The following DHRSX variants were observed in gnomAD, a reference collection of about 807,000 sequenced individuals.
DHRSX encodes the protein dehydrogenase/reductase X-linked.
In DHRSX, 31 loss-of-function variants were observed where a neutral mutation model predicts 34.0. The ratio of observed to expected loss-of-function variants is 0.91; its 90% confidence interval spans 0.69 to 1.23. The LOEUF is 1.23. Among genes scored for constraint, DHRSX ranks in the 50% most tolerant of loss-of-function variants. DHRSX has a pLI of 0.00. For synonymous variants in DHRSX, 201 were observed against 183.8 expected, an observed-to-expected ratio of 1.09 and a Z score of -0.76; for missense variants, 414 against 428.1, an observed-to-expected ratio of 0.97 and a Z score of 0.29.
chrX:2,345,881 A>G (rs1156789781), intron 3 of DHRSX, among the ~76,000 whole-genome samples: 3 of 152,068 alleles, frequency 2.0e-5, no homozygotes, highest in Non-Finnish European at 4.4e-5. Context: ...ACATCTTGAG[A>G]CTTGCCAGCC....
chrX:2,443,975 A>AGCCT (rs1289871384), intron 1 of DHRSX, among the ~76,000 whole-genome samples: 1 of 149,138 alleles, frequency 6.7e-6, no homozygotes, highest in Non-Finnish European at 1.5e-5. Flanking sequence ...CCTGCACTCC[A>AGCCT]GCCTGGGCGA....
In DHRSX at chrX:2,490,565, G is replaced by A. The variant is rs1218197196; in HGVS notation, c.109+10252C>T. ...GGTGTTTCCGGAGTAGGCGATCTGG[G>A]CCATGCAGATGCGGCAGTAGATTTT... On this transcript the variant is annotated intron_variant, in intron 1 of 6. Coordinates refer to ENST00000334651, the MANE Select transcript of DHRSX (RefSeq NM_145177.3). 7.4e-6 allele frequency: 12 copies of A among 1,613,864 alleles called. No individual in the cohort carries two copies. In the African/African-American group the frequency reaches 1.5e-4, roughly 20 times the overall value.
intron 3 of DHRSX, among the ~76,000 whole-genome samples, chrX:2,392,002 A>G (rs2043340801): frequency 6.6e-6 from 1 of 152,224 alleles, no homozygotes; most frequent in Non-Finnish European, 1.5e-5. Context: ...AAGGCGATCC[A>G]TGGGGATGAG....
rs754754031 is a variant in DHRSX, at chrX:2,243,239, C to T, written c.597-9G>A. The T allele has an allele frequency of 2.0e-5, 32 of 1,612,304 alleles. No homozygotes were observed. Among genetic ancestry groups the T allele is most frequent in the Admixed American group, 3.3e-5 (2 of 59,918 alleles). ...GGGGTGAGTAGCAGGCACTGTGGGG[C>T]AAGCAGGAGAAGGTGTAAGAGGCTG... is the stretch of plus-strand genomic sequence containing the variant. On this transcript the variant is annotated splice_polypyrimidine_tract_variant and intron_variant, in intron 5 of 6. Transcript: ENST00000334651.
At chrX:2,241,914 AAAAC>A (rs2016150162) in intron 6 of DHRSX, among the ~76,000 whole-genome samples, 1 of 152,154 alleles carries the variant, frequency 6.6e-6, no homozygotes, top group African/African-American at 2.4e-5. Context: ...CGTCTCAAAA[AAAAC>A]AAGCAAACAA....
At chrX:2,411,355 C>G (rs2043625535) in intron 2 of DHRSX, among the ~76,000 whole-genome samples, 2 of 151,860 alleles carry the variant, frequency 1.3e-5, no homozygotes, top group South Asian at 4.2e-4. Context: ...TCAAGACCAG[C>G]CTGGCCAACA....
Position 2,221,072 on chromosome X carries a change from T to C in DHRSX, c.962A>G (p.Glu321Gly). 1 of 1,613,950 alleles carries C rather than the reference T, an allele frequency of 6.2e-7. No homozygotes were observed. Residue 321 changes from glutamate to glycine, a missense_variant, in exon 7 of 7, where the codon GAG (glutamate) becomes GGG (glycine). Physicochemically the swap from Glu to Gly is moderately conservative, Grantham distance 98. Transcript: ENST00000334651. ...LQQQLWSKSCEMTGVLDVTL is the reference protein window; with the variant it reads ...LQQQLWSKSCGMTGVLDVTL ...GGTCACATCAAGGACCCCAGTCATCTCACAACTCTTAGACCACAGCTGCTG... is the reference window on the plus strand; with the variant it reads ...GGTCACATCAAGGACCCCAGTCATCCCACAACTCTTAGACCACAGCTGCTG...
intron 6 of DHRSX, among the ~76,000 whole-genome samples, chrX:2,241,715 C>T (rs1316829965): frequency 6.6e-6 from 1 of 152,086 alleles, no homozygotes; most frequent in Non-Finnish European, 1.5e-5. Context: ...TCGTGACCAG[C>T]CTGGTCAGCG....
At chrX:2,225,183 TCA>T (rs976953534) in intron 6 of DHRSX, among the ~76,000 whole-genome samples, 13 of 141,794 alleles carry the variant, frequency 9.2e-5, no homozygotes, top group East Asian at 8.6e-4. Flanking sequence ...CGCACACAGC[TCA>T]CACATGCACA....
At chrX:2,366,601 T>C (rs2042996837) in intron 3 of DHRSX, among the ~76,000 whole-genome samples, 1 of 152,122 alleles carries the variant, frequency 6.6e-6, no homozygotes, top group Non-Finnish European at 1.5e-5. Flanking sequence ...GGCTTATTTT[T>C]CTCATTCTTT....
At chrX:2,490,295 G>C in intron 1 of DHRSX, 1 of 1,613,610 alleles carries the variant, frequency 6.2e-7, no homozygotes, top group Non-Finnish European at 8.5e-7. Flanking sequence ...GTCCACGATG[G>C]AGGCTGGGTA....
At chrX:2,326,380 G>A (rs1191738415) in intron 3 of DHRSX, among the ~76,000 whole-genome samples, 14 of 152,068 alleles carry the variant, frequency 9.2e-5, no homozygotes, top group African/African-American at 2.4e-4. Context: ...AAAATTAGCC[G>A]GGCGTGGTGG....
intron 4 of DHRSX, among the ~76,000 whole-genome samples, chrX:2,268,638 G>A (rs930004159): frequency 5.3e-5 from 8 of 152,168 alleles, no homozygotes; most frequent in African/African-American, 1.9e-4. Context: ...TGTGTTGTAT[G>A]CACATGTGCA....
chrX:2,429,434 T>C (rs767067511), intron 1 of DHRSX, among the ~76,000 whole-genome samples: 12 of 132,480 alleles, frequency 9.1e-5, no homozygotes, highest in East Asian at 4.5e-4. Flanking sequence ...CAAGTATCCA[T>C]CCTGTTCTCT....
intron 3 of DHRSX, among the ~76,000 whole-genome samples, chrX:2,371,453 T>C (rs868063385): frequency 0.016 from 1,687 of 104,612 alleles, 47 homozygotes; most frequent in African/African-American, 0.058. Context: ...TTCGTTACTA[T>C]AGTCCCTCCT....
intron 1 of DHRSX, among the ~76,000 whole-genome samples, chrX:2,431,516 A>G (rs185547972): frequency 1.3e-5 from 2 of 152,238 alleles, no homozygotes; most frequent in Admixed American, 1.3e-4. Flanking sequence ...GCTGGCTCAA[A>G]TGTTAATTCA....
At chrX:2,328,551 C>A (rs1465883683) in intron 3 of DHRSX, among the ~76,000 whole-genome samples, 5 of 150,312 alleles carry the variant, frequency 3.3e-5, no homozygotes, top group African/African-American at 1.2e-4. Context: ...GACTAAGACA[C>A]CTCATAAGAG....
chrX:2,474,224 G>C (rs2044637995), intron 1 of DHRSX, among the ~76,000 whole-genome samples: 1 of 152,014 alleles, frequency 6.6e-6, no homozygotes, highest in Admixed American at 6.6e-5. Flanking sequence ...ACAAGGGACT[G>C]CCACTCCGTA....
At chrX:2,443,927 AC>A (rs1456225213) in intron 1 of DHRSX, among the ~76,000 whole-genome samples, 1 of 150,384 alleles carries the variant, frequency 6.6e-6, no homozygotes, top group African/African-American at 2.5e-5. Context: ...AATGGCGTGA[AC>A]CCGGGAGGTG....
Sources: gnomAD v4.1 joint callset for allele counts (sites outside exome capture counted in the v4.1 genomes callset) on GRCh38, gnomAD v4.1.1 for gene constraint, MANE v1.5 for transcripts, NCBI Gene and HGNC (gene_info 2026-07-23, HGNC 2026-07-21) for gene names.